GALNT9: variants seen among roughly 807,000 people sequenced by gnomAD.
GALNT9 encodes polypeptide N-acetylgalactosaminyltransferase 9.
A neutral mutation model predicts 63.1 loss-of-function variants in GALNT9; 47 were observed. That is an observed-to-expected ratio of 0.75 (90% CI 0.59 to 0.95). The LOEUF (loss-of-function observed/expected upper bound fraction) is 0.95. Ranked by LOEUF, GALNT9 falls within the 40% of genes least tolerant of loss-of-function variation. The pLI is 0.00. For missense variants in GALNT9, 829 were observed against 874.8 expected, an observed-to-expected ratio of 0.95 and a Z score of 0.66; for synonymous variants, 396 against 365.7, an observed-to-expected ratio of 1.08 and a Z score of -0.94.
In GALNT9 at chr12:132,262,508, G is replaced by GGGC; in HGVS notation, c.534_536dup (p.Pro179dup). 6.4e-7 allele frequency: 1 copy of GGGC among 1,551,410 alleles called. No homozygotes were observed. The highest frequency in any genetic ancestry group is 1.2e-5 in the South Asian group (1 of 84,050). On this transcript the variant is annotated inframe_insertion, in exon 3 of 11. Transcript: ENST00000328957. ...GGATGACCTCCTTGAGGAGCTGGGA[G>GGGC]GGCGTGTGGTTGACCACGCTGTGCA...
At chr12:132,318,192 C>T (rs1232090368) in intron 1 of GALNT9, among the ~76,000 whole-genome samples, 3 of 151,906 alleles carry the variant, frequency 2.0e-5, no homozygotes, top group Non-Finnish European at 2.9e-5. Flanking sequence ...AACCCTGCCT[C>T]GAAAAAATTA....
At chr12:132,225,853 AC>A (rs1877654185) in intron 6 of GALNT9, among the ~76,000 whole-genome samples, 1 of 26,398 alleles carries the variant, frequency 3.8e-5, no homozygotes, top group Non-Finnish European at 8.7e-5. Context: ...CCCACACCCC[AC>A]ACACTGTGTA....
At chr12:132,260,094 G>A (rs76126452) in intron 4 of GALNT9, among the ~76,000 whole-genome samples, 2,284 of 144,094 alleles carry the variant, frequency 0.016, 51 homozygotes, top group African/African-American at 0.056. Flanking sequence ...CTGTGGGGCT[G>A]GCTTTGGGGT....
chr12:132,241,028 A>C (rs200866079), intron 6 of GALNT9, among the ~76,000 whole-genome samples: 2,342 of 19,760 alleles, frequency 0.12, no homozygotes, highest in Middle Eastern at 0.23. Flanking sequence ...TACACACACA[A>C]CACACACCCT....
chr12:132,239,410 ACT>A (rs1878138807), intron 6 of GALNT9, among the ~76,000 whole-genome samples: 1 of 151,714 alleles, frequency 6.6e-6, no homozygotes, highest in Non-Finnish European at 1.5e-5. Flanking sequence ...AGAGACACAC[ACT>A]GAGAGACTGA....
At chr12:132,249,960 C>T (rs1472165329) in intron 5 of GALNT9, among the ~76,000 whole-genome samples, 5 of 152,196 alleles carry the variant, frequency 3.3e-5, no homozygotes, top group African/African-American at 9.7e-5. Flanking sequence ...GCCCGATGCC[C>T]GCACCTGCCC....
intron 9 of GALNT9, among the ~76,000 whole-genome samples, chr12:132,198,395 A>G (rs1453705991): frequency 6.6e-6 from 1 of 150,452 alleles, no homozygotes; most frequent in East Asian, 2.0e-4. Context: ...CTGGACCTTC[A>G]CTACGGCCAG....
chr12:132,262,520 G>A lies in GALNT9; in HGVS notation c.525C>T (p.Val175=). ...SVILRSVHSV[V]NHTPSQLLKE... is the part of the protein sequence containing the mutation. ...TGAGGAGCTGGGAGGGCGTGTGGTTGACCACGCTGTGCACGGAGCGCAGGA... is the reference window on the plus strand; with the variant it reads ...TGAGGAGCTGGGAGGGCGTGTGGTTAACCACGCTGTGCACGGAGCGCAGGA... Residue 175 remains valine, a synonymous_variant, in exon 3 of 11, where the codon GTC becomes GTT. Transcript: ENST00000328957. 6.4e-7 allele frequency: 1 copy of A among 1,551,468 alleles called. No homozygotes were observed. The highest frequency in any genetic ancestry group is 8.7e-7 in the Non-Finnish European group (1 of 1,146,916).
At chr12:132,325,317 C>T (rs1247447455) in intron 1 of GALNT9, among the ~76,000 whole-genome samples, 2 of 152,216 alleles carry the variant, frequency 1.3e-5, no homozygotes, top group Non-Finnish European at 2.9e-5. Context: ...TCGTGGAGTG[C>T]TATGTTCACA....
chr12:132,329,030 C>T lies in GALNT9; in HGVS notation c.174G>A (p.Gly58=). 6.5e-7 allele frequency: 1 copy of T among 1,545,158 alleles called. No individual in the cohort carries two copies. Among genetic ancestry groups the T allele is most frequent in the Non-Finnish European group, 8.7e-7 (1 of 1,146,034 alleles). The part of the protein sequence containing the change: ...RSRHAKVGTL[G]DREAILQRLD... The stretch of plus-strand genomic sequence containing the variant: ...GGCGCTGCAGGATGGCCTCACGGTC[C>T]CCCAGCGTGCCCACCTTGGCGTGTC... Residue 58 remains glycine, a synonymous_variant, in exon 1 of 11, where the codon GGG becomes GGA. Transcript: ENST00000328957.
intron 6 of GALNT9, among the ~76,000 whole-genome samples, chr12:132,219,945 G>T (rs1171312156): frequency 6.6e-6 from 1 of 152,192 alleles, no homozygotes; most frequent in African/African-American, 2.4e-5. Flanking sequence ...CACCCGCCTG[G>T]GTAAGGGGAA....
At chr12:132,309,392 A>T (rs577621280) in intron 1 of GALNT9, among the ~76,000 whole-genome samples, 176 of 152,212 alleles carry the variant, frequency 1.2e-3, no homozygotes, top group African/African-American at 4.2e-3. Flanking sequence ...ATGCAGCAGG[A>T]TGGTGGGTTG....
intron 4 of GALNT9, among the ~76,000 whole-genome samples, chr12:132,259,953 G>A (rs1555088051): frequency 0.46 from 67,123 of 145,118 alleles, 16,478 homozygotes; most frequent in African/African-American, 0.63. Context: ...GCCCTGGTGC[G>A]GGGAACACCC....
Position 132,317,365 on chromosome 12 carries a change from T to C in GALNT9, c.238+11601A>G, listed in dbSNP as rs141995007. Among the ~76,000 whole-genome samples, 146 of 152,216 alleles carry C rather than the reference T, an allele frequency of 9.6e-4. 2 individuals are homozygous for C. The highest frequency in any genetic ancestry group is 3.3e-3 in the African/African-American group (136 of 41,524). ...CACTGCCCCCCCAGGCCACACCCTC[T>C]CTCCTGCTCCTTCCACTCGCGTCCT... is the stretch of plus-strand genomic sequence containing the variant. On this transcript the variant is annotated intron_variant, in intron 1 of 10. Transcript: ENST00000328957.
At chr12:132,249,230 G>A (rs1878821862) in intron 5 of GALNT9, among the ~76,000 whole-genome samples, 1 of 152,230 alleles carries the variant, frequency 6.6e-6, no homozygotes, top group African/African-American at 2.4e-5. Context: ...AGCTGTCAGA[G>A]GAAGCAGCAA....
At chr12:132,221,658 C>CAAAAAAAAAAA (rs761220333) in intron 6 of GALNT9, among the ~76,000 whole-genome samples, 3 of 79,638 alleles carry the variant, frequency 3.8e-5, no homozygotes, top group African/African-American at 5.2e-5. Context: ...GAGACGTTCT[C>CAAAAAAAAAAA]AAAAAAAAAA....
intron 6 of GALNT9, among the ~76,000 whole-genome samples, chr12:132,209,679 T>C (rs949500394): frequency 6.6e-6 from 1 of 151,662 alleles, no homozygotes; most frequent in Non-Finnish European, 1.5e-5. Flanking sequence ...TAAAAGACAC[T>C]CCCCCCAGCA....
intron 6 of GALNT9, among the ~76,000 whole-genome samples, chr12:132,217,418 TCATC>T (rs1877250808): frequency 2.2e-5 from 3 of 137,380 alleles, no homozygotes; most frequent in African/African-American, 8.4e-5. Flanking sequence ...CTACATGCAC[TCATC>T]CATCCATCCA....
chr12:132,250,212 C>T (rs892772666), intron 5 of GALNT9, among the ~76,000 whole-genome samples: 17 of 151,994 alleles, frequency 1.1e-4, no homozygotes, highest in African/African-American at 3.4e-4. Flanking sequence ...CGTGTGACTC[C>T]GTCCGCATGC....
Sources: allele counts gnomAD v4.1 joint callset (sites outside exome capture counted in the v4.1 genomes callset), GRCh38; gene constraint gnomAD v4.1.1; transcripts MANE v1.5; gene names NCBI Gene and HGNC (gene_info 2026-07-23, HGNC 2026-07-21).